Variants in KCNN2 observed in about 807,000 individuals in gnomAD.
KCNN2 encodes small conductance calcium-activated potassium channel protein 2.
In KCNN2, 24 loss-of-function variants were observed where a neutral mutation model predicts 55.5. The observed-to-expected ratio is 0.43, with a 90% CI of 0.31 to 0.61. KCNN2 has a LOEUF of 0.61. Ranked by LOEUF, KCNN2 falls within the 20% of genes least tolerant of loss-of-function variation. KCNN2 has a pLI of 0.08. For synonymous variants in KCNN2, 431 were observed against 336.1 expected (o/e 1.28, Z -3.09); for missense variants, 754 against 853.6 (o/e 0.88, Z 1.45).
chr5:114,390,755 A>T (rs1175404903), intron 2 of KCNN2, among the ~76,000 whole-genome samples: 1 of 152,184 alleles, frequency 6.6e-6, no homozygotes, highest in African/African-American at 2.4e-5. Context: ...TGAGAGAACC[A>T]AAAAGGGTAA....
At chr5:114,085,416 G>A (rs1750994032) in intron 1 of KCNN2, among the ~76,000 whole-genome samples, 1 of 151,892 alleles carries the variant, frequency 6.6e-6, no homozygotes, top group Non-Finnish European at 1.5e-5. Context: ...TATTTTGTTA[G>A]ATTGATAGTT....
At chr5:114,076,138 C>T (rs1201655597) in intron 1 of KCNN2, among the ~76,000 whole-genome samples, 1 of 152,216 alleles carries the variant, frequency 6.6e-6, no homozygotes. Context: ...CTTGAAGTCC[C>T]AGTTGGATAT....
chr5:114,371,579 A>G (rs1757759984), intron 2 of KCNN2, among the ~76,000 whole-genome samples: 1 of 152,142 alleles, frequency 6.6e-6, no homozygotes, highest in Non-Finnish European at 1.5e-5. Flanking sequence ...GCTGACCTTG[A>G]TGAGCCGTTT....
Position 114,363,938 on chromosome 5 carries a change from T to A in KCNN2, c.1155T>A (p.Leu385=). 1.2e-6 allele frequency: 2 copies of A among 1,614,076 alleles called. No individual in the cohort carries two copies. Among genetic ancestry groups the A allele is most frequent in the South Asian group, 1.1e-5 (1 of 91,088 alleles). ...TGTATTCCTTAGCTCTGAAATGCCT[T>A]ATCAGTCTCTCCACGATCATCCTGC... ...ASLYSLALKC[L]ISLSTIILLG... is the part of the protein sequence containing the mutation. The change falls in exon 2 of 8, where the codon CTT becomes CTA. Residue 385 remains leucine, a synonymous_variant. Coordinates refer to ENST00000673685, the MANE Select transcript of KCNN2 (RefSeq NM_021614.4).
chr5:114,343,473 T>C (rs866101137), intron 2 of KCNN2, among the ~76,000 whole-genome samples: 5 of 151,984 alleles, frequency 3.3e-5, no homozygotes, highest in Non-Finnish European at 5.9e-5. Flanking sequence ...AAATAAGAGG[T>C]AGGATTTAGA....
At chr5:114,430,052 A>C (rs1393506707) in intron 3 of KCNN2, among the ~76,000 whole-genome samples, 1 of 152,002 alleles carries the variant, frequency 6.6e-6, no homozygotes, top group Non-Finnish European at 1.5e-5. Context: ...CTCGAAGTCA[A>C]ATAGTGTTAT....
At chr5:114,368,718 T>C (rs1757676176) in intron 2 of KCNN2, among the ~76,000 whole-genome samples, 1 of 152,232 alleles carries the variant, frequency 6.6e-6, no homozygotes, top group African/African-American at 2.4e-5. Flanking sequence ...TCGCATTCTC[T>C]CAGTCATGTT....
chr5:114,472,601 T>A (rs2150124238), intron 4 of KCNN2, among the ~76,000 whole-genome samples: 1 of 152,300 alleles, frequency 6.6e-6, no homozygotes, highest in Non-Finnish European at 1.5e-5. Context: ...CCTGGTGCAT[T>A]GCAGTTGATC....
chr5:114,193,730 A>G (rs1448510820), intron 1 of KCNN2, among the ~76,000 whole-genome samples: 1 of 152,164 alleles, frequency 6.6e-6, no homozygotes, highest in African/African-American at 2.4e-5. Context: ...CCTTTCTAGC[A>G]TCAGAACTTT....
intron 3 of KCNN2, among the ~76,000 whole-genome samples, chr5:114,406,014 A>AT (rs896803488): frequency 1.7e-4 from 25 of 144,408 alleles, no homozygotes; most frequent in African/African-American, 4.6e-4. Flanking sequence ...CAGGCCGAAT[A>AT]TTTTTTTTTT....
At chr5:114,331,758 C>G (rs988848755) in intron 2 of KCNN2, among the ~76,000 whole-genome samples, 4 of 152,140 alleles carry the variant, frequency 2.6e-5, no homozygotes, top group Non-Finnish European at 5.9e-5. Context: ...ATAAATATAT[C>G]TGTAAGTAAC....
chr5:114,180,594 A>C (rs1363733270), intron 1 of KCNN2, among the ~76,000 whole-genome samples: 1 of 152,192 alleles, frequency 6.6e-6, no homozygotes, highest in Admixed American at 6.5e-5. Context: ...TTAATGTCAA[A>C]GAATAATTTG....
intron 2 of KCNN2, among the ~76,000 whole-genome samples, chr5:114,400,288 G>A (rs999063166): frequency 1.4e-4 from 22 of 152,170 alleles, no homozygotes; most frequent in Non-Finnish European, 3.1e-4. Flanking sequence ...CTTTAGCTGT[G>A]AGCCAGACAA....
chr5:114,409,893 G>A (rs1051118679), intron 3 of KCNN2, among the ~76,000 whole-genome samples: 5 of 151,574 alleles, frequency 3.3e-5, no homozygotes, highest in African/African-American at 1.2e-4. Flanking sequence ...CTCTCTTTTT[G>A]GTGAATGATA....
intron 2 of KCNN2, among the ~76,000 whole-genome samples, chr5:114,295,402 G>T (rs1755988686): frequency 6.6e-6 from 1 of 152,178 alleles, no homozygotes. Flanking sequence ...CCTGGGCAAT[G>T]GCAGGCACCC....
At chr5:114,368,657 C>T (rs79814436) in intron 2 of KCNN2, among the ~76,000 whole-genome samples, 2,705 of 152,124 alleles carry the variant, frequency 0.018, 81 homozygotes, top group African/African-American at 0.061. Context: ...ATAAAATAAC[C>T]AATACACATA....
chr5:114,406,334 T>C (rs1299223579), intron 3 of KCNN2, among the ~76,000 whole-genome samples: 2 of 142,922 alleles, frequency 1.4e-5, no homozygotes, highest in Non-Finnish European at 3.1e-5. Context: ...TGGAAGTCAG[T>C]TTTTTTTTTT....
chr5:114,493,855 A>C (rs941102488), intron 7 of KCNN2, among the ~76,000 whole-genome samples: 3 of 152,148 alleles, frequency 2.0e-5, no homozygotes, highest in African/African-American at 7.2e-5. Context: ...TCATCAATTA[A>C]ATTTTGTCCT....
At position 114,362,924 on chromosome 5, in the gene KCNN2, C is replaced by G. The variant is rs769503791; in HGVS notation, c.785C>G (p.Ser262Cys). 3.2e-6 allele frequency: 5 copies of G among 1,558,578 alleles called. No individual in the cohort carries two copies. The Admixed American group carries it at 7.4e-5, about 23-fold the overall frequency. The change falls in exon 1 of 8, where the codon TCT (serine) becomes TGT (cysteine). Residue 262 changes from serine to cysteine, a missense_variant. Physicochemically the swap from Ser to Cys is moderately radical, Grantham distance 112. This residue lies in a region of KCNN2 where 381 missense variants were observed against 259.1 expected (regional missense o/e 1.47). Transcript: ENST00000673685. Reference protein sequence around the residue: ...VGGGGGASSPSAAAAAAAAVS... With the variant: ...VGGGGGASSPCAAAAAAAAVS... ...GGAGGTGGCGGCGCGTCCTCCCCGT[C>G]TGCAGCCGCTGCCGCCGCCGCCGCT...
Sources: gnomAD v4.1 joint callset for allele counts (sites outside exome capture counted in the v4.1 genomes callset) on GRCh38, gnomAD v4.1.1 for gene constraint, gnomAD v4.1.1 regional missense constraint, MANE v1.5 for transcripts, NCBI Gene and HGNC (gene_info 2026-07-23, HGNC 2026-07-21) for gene names.